DNAJC1: variants seen among roughly 807,000 people sequenced by gnomAD.
DNAJC1 encodes DnaJ heat shock protein family (Hsp40) member C1, also known as dnaJ homolog subfamily C member 1.
DNAJC1 carries 58 observed loss-of-function variants against 76.6 expected under a neutral mutation model. The ratio of observed to expected loss-of-function variants is 0.76; its 90% CI spans 0.61 to 0.94. The LOEUF (loss-of-function observed/expected upper bound fraction) is 0.94, where lower values mean the gene tolerates loss of function less well. Ranked by LOEUF, DNAJC1 falls within the 40% of genes least tolerant of loss-of-function variation. DNAJC1 has a pLI of 0.00. For synonymous variants in DNAJC1, 258 were observed against 267.9 expected (o/e 0.96, Z 0.36); for missense variants, 689 against 677.3 (o/e 1.02, Z -0.19).
intron 9 of DNAJC1, among the ~76,000 whole-genome samples, chr10:21,772,154 AT>A (rs553130424): frequency 6.8e-6 from 1 of 147,882 alleles, no homozygotes; most frequent in African/African-American, 2.5e-5. Flanking sequence ...ATTTTTTGAG[AT>A]TTTTTTCATC....
At chr10:21,939,553 GA>G in intron 1 of DNAJC1, among the ~76,000 whole-genome samples, 1 of 152,114 alleles carries the variant, frequency 6.6e-6, no homozygotes, top group South Asian at 2.1e-4. Flanking sequence ...TCTATGTTTA[GA>G]TACATAAATA....
chr10:21,919,972 G>C (rs772321493), intron 4 of DNAJC1, 43 bp from the exon 5 acceptor site: 10 of 1,259,566 alleles, frequency 7.9e-6, no homozygotes, highest in Non-Finnish European at 1.1e-5. Context: ...TCATTAACAT[G>C]TACACTTCAA....
intron 4 of DNAJC1, among the ~76,000 whole-genome samples, chr10:21,920,315 AAAG>A (rs1284406868): frequency 2.5e-4 from 38 of 152,114 alleles, no homozygotes; most frequent in African/African-American, 8.4e-4. Flanking sequence ...ATAAAAACCC[AAAG>A]AATAAACTAT....
intron 8 of DNAJC1, among the ~76,000 whole-genome samples, chr10:21,839,266 GA>G (rs1466703162): frequency 2.6e-5 from 4 of 152,126 alleles, no homozygotes; most frequent in African/African-American, 9.7e-5. Flanking sequence ...AGAACTGAAG[GA>G]AATAGAGACA....
At chr10:21,827,981 G>T (rs1315459354) in intron 8 of DNAJC1, among the ~76,000 whole-genome samples, 1 of 152,020 alleles carries the variant, frequency 6.6e-6, no homozygotes, top group Non-Finnish European at 1.5e-5. Context: ...ACAGGATATG[G>T]GCATCTTCAA....
chr10:21,813,224 A>C (rs535573116), intron 8 of DNAJC1, among the ~76,000 whole-genome samples: 204 of 102,932 alleles, frequency 2.0e-3, no homozygotes, highest in East Asian at 0.012. Context: ...CTCTCTCTAT[A>C]TATATATATA....
chr10:21,982,962 G>A (rs1261968988), intron 1 of DNAJC1, among the ~76,000 whole-genome samples: 1 of 152,178 alleles, frequency 6.6e-6, no homozygotes, highest in Admixed American at 6.5e-5. Context: ...GTCTGAGGCA[G>A]GAGGACTGCT....
chr10:21,958,241 T>C lies in DNAJC1; in HGVS notation c.223-29100A>G, dbSNP rs73594520. Reference sequence around the variant, plus strand: ...TGATTGAGAAATGAAGGTTTTTTTCTTTCTTTCTGGTATTTATGTATTTTT... The same window carrying C: ...TGATTGAGAAATGAAGGTTTTTTTCCTTCTTTCTGGTATTTATGTATTTTT... On this transcript the variant is annotated intron_variant, in intron 1 of 11. Transcript: ENST00000376980. 3.1e-3 allele frequency among the ~76,000 whole-genome samples: 466 copies of C among 152,326 alleles called. 1 individual carries two copies. Among genetic ancestry groups the C allele is most frequent in the African/African-American group, 0.01 (417 of 41,576 alleles).
intron 8 of DNAJC1, among the ~76,000 whole-genome samples, chr10:21,851,239 C>T (rs769983412): frequency 2.0e-5 from 3 of 152,038 alleles, no homozygotes; most frequent in East Asian, 1.9e-4. Context: ...ATTTACAATT[C>T]GTATATCTGA....
chr10:21,990,463 T>C (rs774981712), intron 1 of DNAJC1, among the ~76,000 whole-genome samples: 17 of 152,196 alleles, frequency 1.1e-4, no homozygotes, highest in Admixed American at 2.0e-4. Context: ...AAAAATTATT[T>C]AGAAGAAGTA....
chr10:21,985,554 C>T (rs939125846), intron 1 of DNAJC1, among the ~76,000 whole-genome samples: 1 of 151,992 alleles, frequency 6.6e-6, no homozygotes, highest in African/African-American at 2.4e-5. Flanking sequence ...CAGCCACCTG[C>T]TTTCCATCTC....
chr10:21,776,398 T>C (rs896668753), intron 9 of DNAJC1, among the ~76,000 whole-genome samples: 2 of 152,196 alleles, frequency 1.3e-5, no homozygotes, highest in African/African-American at 4.8e-5. Flanking sequence ...CTGTCAGTGA[T>C]ATTTTAAGTA....
At chr10:21,783,253 A>C (rs1834556872) in intron 9 of DNAJC1, among the ~76,000 whole-genome samples, 1 of 152,230 alleles carries the variant, frequency 6.6e-6, no homozygotes, top group Non-Finnish European at 1.5e-5. Flanking sequence ...CTTATACACC[A>C]ATAACAGACA....
chr10:21,935,331 A>G (rs1458364574), intron 1 of DNAJC1, among the ~76,000 whole-genome samples: 2 of 152,178 alleles, frequency 1.3e-5, no homozygotes, highest in South Asian at 2.1e-4. Context: ...AGCAAAATAC[A>G]TAACTGAAAT....
chr10:21,916,571 G>A (rs554350442), intron 6 of DNAJC1, among the ~76,000 whole-genome samples: 1 of 152,280 alleles, frequency 6.6e-6, no homozygotes, highest in Non-Finnish European at 1.5e-5. Flanking sequence ...AAAGTTTAAG[G>A]TTGTACCTAT....
At chr10:21,994,746 G>A (rs1159751287) in intron 1 of DNAJC1, among the ~76,000 whole-genome samples, 5 of 151,946 alleles carry the variant, frequency 3.3e-5, no homozygotes, top group African/African-American at 4.8e-5. Context: ...AGCCGAGATC[G>A]CGCCACTGCA....
At chr10:21,929,231 C>G in intron 1 of DNAJC1, 90 bp from the exon 2 acceptor site, 1 of 827,858 alleles carries the variant, frequency 1.2e-6, no homozygotes. Context: ...AGAAGACAGC[C>G]AACCAAGTGC....
In DNAJC1 at chr10:21,929,147, G is replaced by T; in HGVS notation, c.223-6C>A. On this transcript the variant is annotated splice_region_variant and splice_polypyrimidine_tract_variant and intron_variant, in intron 1 of 11. Coordinates refer to ENST00000376980, the MANE Select transcript of DNAJC1 (RefSeq NM_022365.4). ...ATGTCTGCAGATGATGCATCCTGGA[G>T]GTGGTAGGGGGAGGGGAAAATACAA... 6.3e-7 allele frequency: 1 copy of T among 1,591,198 alleles called. No homozygotes were observed. Among genetic ancestry groups the T allele is most frequent in the Admixed American group, 1.7e-5 (1 of 57,292 alleles).
chr10:21,963,279 C>G (rs974842296), intron 1 of DNAJC1, among the ~76,000 whole-genome samples: 1 of 152,124 alleles, frequency 6.6e-6, no homozygotes, highest in South Asian at 2.1e-4. Flanking sequence ...CCCAAACTTA[C>G]CAAGGTTTTC....
Sources: gnomAD v4.1 joint callset for allele counts (sites outside exome capture counted in the v4.1 genomes callset) on GRCh38, gnomAD v4.1.1 for gene constraint, MANE v1.5 for transcripts, NCBI Gene and HGNC (gene_info 2026-07-23, HGNC 2026-07-21) for gene names.